The following SLCO1B3 variants were observed in gnomAD, a reference collection of about 807,000 sequenced individuals.
The protein encoded by SLCO1B3 is solute carrier organic anion transporter family member 1B3, also known as liver-specific organic anion transporter 2.
Under a neutral mutation model 71.8 loss-of-function variants are expected in SLCO1B3, and 72 were observed. The observed-to-expected ratio is 1.00, with a 90% CI of 0.83 to 1.22. SLCO1B3 has a LOEUF of 1.22. Among genes scored for constraint, SLCO1B3 ranks in the 50% most tolerant of loss-of-function variants. The pLI, the probability that SLCO1B3 is intolerant of heterozygous loss-of-function variation, is 0.00. For missense variants in SLCO1B3, 911 were observed against 819.7 expected (o/e 1.11, Z -1.36); for synonymous variants, 298 against 278.4 (o/e 1.07, Z -0.70).
intron 8 of SLCO1B3, 73 bp downstream of exon 8, chr12:20,862,927 A>G: frequency 1.3e-6 from 1 of 783,048 alleles, no homozygotes; most frequent in South Asian, 1.9e-5. Flanking sequence ...AAAGAATTAA[A>G]TTCAGTCTTT....
chr12:20,829,653 C>G (rs1196190710), intron 3 of SLCO1B3, among the ~76,000 whole-genome samples: 1 of 152,112 alleles, frequency 6.6e-6, no homozygotes, highest in Non-Finnish European at 1.5e-5. Flanking sequence ...AGAAGGAATT[C>G]AGGGCAAGTC....
At chr12:20,843,633 T>C (rs1401841585) in intron 3 of SLCO1B3, among the ~76,000 whole-genome samples, 2 of 151,924 alleles carry the variant, frequency 1.3e-5, no homozygotes, top group African/African-American at 4.8e-5. Context: ...ACAAAAAAAT[T>C]AGCTGGGTGT....
chr12:20,886,265 A>G (rs1170363985), intron 13 of SLCO1B3, among the ~76,000 whole-genome samples: 1 of 152,080 alleles, frequency 6.6e-6, no homozygotes, highest in African/African-American at 2.4e-5. Context: ...CCTGTTAGGT[A>G]TCTACCAACA....
intron 15 of SLCO1B3, among the ~76,000 whole-genome samples, chr12:20,909,023 A>G (rs1866312060): frequency 6.6e-6 from 1 of 152,112 alleles, no homozygotes; most frequent in African/African-American, 2.4e-5. Context: ...GAGAGTTTCT[A>G]TTGCTCCACT....
intron 13 of SLCO1B3, among the ~76,000 whole-genome samples, chr12:20,889,638 A>G (rs1350530342): frequency 6.6e-6 from 1 of 151,978 alleles, no homozygotes; most frequent in Non-Finnish European, 1.5e-5. Flanking sequence ...TATATTTTCA[A>G]ATTACAACTT....
intron 5 of SLCO1B3, among the ~76,000 whole-genome samples, chr12:20,860,599 TTGTG>T (rs34409706): frequency 0.015 from 2,252 of 146,640 alleles, 52 homozygotes; most frequent in African/African-American, 0.05. Context: ...GTCAAGCACT[TTGTG>T]TGTGTGTGTG....
At chr12:20,905,167 T>C (rs1468804309) in intron 15 of SLCO1B3, among the ~76,000 whole-genome samples, 1 of 152,104 alleles carries the variant, frequency 6.6e-6, no homozygotes, top group Admixed American at 6.6e-5. Context: ...CTGGAGTCAG[T>C]GGGAAATAAG....
intron 8 of SLCO1B3, among the ~76,000 whole-genome samples, chr12:20,869,204 C>T (rs559959551): frequency 4.6e-5 from 7 of 152,146 alleles, no homozygotes; most frequent in East Asian, 1.9e-4. Flanking sequence ...TTCTTGCTAC[C>T]GCTAGACTGT....
intron 3 of SLCO1B3, among the ~76,000 whole-genome samples, chr12:20,819,566 A>G (rs1235316943): frequency 3.9e-5 from 6 of 152,146 alleles, no homozygotes; most frequent in Non-Finnish European, 7.3e-5. Context: ...GTTTGGTACC[A>G]TGAGGTGGAT....
Position 20,879,539 on chromosome 12 carries a change from T to A in SLCO1B3, c.1239T>A (p.Leu413=). Reference sequence around the variant, plus strand: ...TTGGAATTGCCAAATTTTCATTTCTTACTTCGATGATATCCTTCTTGTTTC... The same window carrying A: ...TTGGAATTGCCAAATTTTCATTTCTAACTTCGATGATATCCTTCTTGTTTC... ...SLVGIAKFSF[L]TSMISFLFQL... Residue 413 remains leucine (L), a synonymous_variant, in exon 11 of 16, where the codon CTT becomes CTA. Coordinates refer to ENST00000381545, the MANE Select transcript of SLCO1B3 (RefSeq NM_019844.4). 6.2e-7 allele frequency: 1 copy of A among 1,612,410 alleles called. No individual in the cohort carries two copies.
At chr12:20,828,299 T>C (rs1282849647) in intron 3 of SLCO1B3, among the ~76,000 whole-genome samples, 1 of 33,702 alleles carries the variant, frequency 3.0e-5, no homozygotes, top group Non-Finnish European at 9.7e-5. Context: ...AGAACTATTT[T>C]AGTAAAAAAA....
chr12:20,902,934 A>T (rs1368375763), intron 15 of SLCO1B3, among the ~76,000 whole-genome samples: 1 of 151,984 alleles, frequency 6.6e-6, no homozygotes, highest in Non-Finnish European at 1.5e-5. Context: ...TTAGCCAGGC[A>T]TTGTGGTACA....
intron 3 of SLCO1B3, among the ~76,000 whole-genome samples, chr12:20,830,827 AAAG>A (rs1417671686): frequency 6.6e-6 from 1 of 152,226 alleles, no homozygotes; most frequent in Non-Finnish European, 1.5e-5. Context: ...TCATAAGGAA[AAAG>A]TATTGGCTAA....
chr12:20,868,464 C>A (rs1354337676), intron 8 of SLCO1B3, among the ~76,000 whole-genome samples: 1 of 152,120 alleles, frequency 6.6e-6, no homozygotes, highest in Non-Finnish European at 1.5e-5. Flanking sequence ...TTTTTATACC[C>A]ATTGACTGGG....
At chr12:20,896,318 A>G (rs898685111) in intron 13 of SLCO1B3, among the ~76,000 whole-genome samples, 5 of 152,200 alleles carry the variant, frequency 3.3e-5, no homozygotes, top group East Asian at 1.9e-4. Context: ...CCAAACTTTT[A>G]TGCTCTGCTT....
intron 15 of SLCO1B3, among the ~76,000 whole-genome samples, chr12:20,906,124 A>T (rs1044301490): frequency 3.3e-5 from 5 of 152,190 alleles, no homozygotes; most frequent in African/African-American, 1.2e-4. Flanking sequence ...CCAATATAAC[A>T]TGGGATTTGG....
chr12:20,837,545 A>C (rs1237973405), intron 3 of SLCO1B3, among the ~76,000 whole-genome samples: 3 of 152,092 alleles, frequency 2.0e-5, no homozygotes, highest in Non-Finnish European at 4.4e-5. Flanking sequence ...AATATTTAAA[A>C]ACTTATCTTG....
rs544507937 is a variant in SLCO1B3, at chr12:20,846,662, A to G, written c.85-8366A>G. ...AATCCATGGATACTTGTGAGGAATGATGCAAAAAACAGGATTTGAGTCATG... is the reference window on the plus strand; with the variant it reads ...AATCCATGGATACTTGTGAGGAATGGTGCAAAAAACAGGATTTGAGTCATG... On this transcript the variant is annotated intron_variant, in intron 3 of 15. Transcript: ENST00000381545. Among the ~76,000 whole-genome samples the G allele has an allele frequency of 7.9e-5, 12 of 152,298 alleles. 1 individual carries two copies. In the South Asian group the frequency reaches 2.5e-3, roughly 32 times the overall value.
At chr12:20,830,139 G>A (rs781653970) in intron 3 of SLCO1B3, among the ~76,000 whole-genome samples, 7 of 152,156 alleles carry the variant, frequency 4.6e-5, no homozygotes, top group Admixed American at 4.6e-4. Flanking sequence ...CTCTGACAGT[G>A]TGAGCAATGA....
Sources: gnomAD v4.1 joint callset for allele counts (sites outside exome capture counted in the v4.1 genomes callset) on GRCh38, gnomAD v4.1.1 for gene constraint, MANE v1.5 for transcripts, NCBI Gene and HGNC (gene_info 2026-07-23, HGNC 2026-07-21) for gene names.